The following CSMD1 variants were observed in gnomAD, a reference collection of about 807,000 sequenced individuals.
CSMD1 encodes the protein CUB and Sushi multiple domains 1.
A neutral mutation model predicts 417.5 loss-of-function variants in CSMD1; 213 were observed. That is an observed-to-expected ratio of 0.51 (90% CI 0.46 to 0.57). The LOEUF (loss-of-function observed/expected upper bound fraction) is 0.57, where lower values mean the gene tolerates loss of function less well. CSMD1 is among the 20% of genes least tolerant of loss of function. The probability of loss-of-function intolerance (pLI) is 0.00; values close to 1 mark genes in which losing one functional copy is unlikely to be tolerated. For missense variants in CSMD1, 6,923 were observed against 4,529.7 expected (o/e 1.53, Z -15.17); for synonymous variants, 2,862 against 1,736.8 (o/e 1.65, Z -16.11).
At chr8:4,801,149 T>C (rs1392934858) in intron 1 of CSMD1, among the ~76,000 whole-genome samples, 4 of 152,226 alleles carry the variant, frequency 2.6e-5, no homozygotes, top group Non-Finnish European at 4.4e-5. Context: ...GTATCTTACC[T>C]TAAATCAATG....
At chr8:3,668,080 T>G (rs1472707236) in intron 7 of CSMD1, among the ~76,000 whole-genome samples, 1 of 152,158 alleles carries the variant, frequency 6.6e-6, no homozygotes, top group Non-Finnish European at 1.5e-5. Flanking sequence ...TCAGGTGCAG[T>G]CATTCTACCC....
intron 10 of CSMD1, among the ~76,000 whole-genome samples, chr8:3,538,552 G>T (rs920576945): frequency 2.0e-5 from 3 of 152,248 alleles, no homozygotes; most frequent in East Asian, 3.9e-4. Flanking sequence ...TGCCGCACTT[G>T]AGCTGGCTAA....
chr8:4,575,820 G>A (rs1338410879), intron 2 of CSMD1, among the ~76,000 whole-genome samples: 2 of 152,228 alleles, frequency 1.3e-5, no homozygotes, highest in Non-Finnish European at 2.9e-5. Context: ...GTCTGAGGTC[G>A]CAATGTCCTT....
chr8:3,264,578 AAATATT>A (rs1307314817), intron 26 of CSMD1, among the ~76,000 whole-genome samples: 1 of 152,200 alleles, frequency 6.6e-6, no homozygotes, highest in Non-Finnish European at 1.5e-5. Flanking sequence ...AACAGAGAAT[AAATATT>A]AACAATCATT....
intron 33 of CSMD1, among the ~76,000 whole-genome samples, chr8:3,197,071 A>G (rs1436683565): frequency 6.6e-6 from 1 of 152,224 alleles, no homozygotes; most frequent in Admixed American, 6.5e-5. Context: ...GCAATTGCAT[A>G]GAGTAACTAG....
At chr8:3,454,767 G>C (rs568160918) in intron 12 of CSMD1, among the ~76,000 whole-genome samples, 5 of 152,210 alleles carry the variant, frequency 3.3e-5, no homozygotes, top group African/African-American at 7.2e-5. Context: ...TCTCTACTTT[G>C]CTGAATCTGA....
intron 5 of CSMD1, among the ~76,000 whole-genome samples, chr8:3,804,151 C>G (rs952438607): frequency 6.6e-6 from 1 of 151,956 alleles, no homozygotes; most frequent in Admixed American, 6.6e-5. Context: ...AGGCTGGTCT[C>G]GAACTCCCGA....
At chr8:3,127,116 T>A (rs1353409138) in intron 41 of CSMD1, among the ~76,000 whole-genome samples, 1 of 152,038 alleles carries the variant, frequency 6.6e-6, no homozygotes, top group Non-Finnish European at 1.5e-5. Flanking sequence ...TTTCTAAGAG[T>A]CTTGTCCACA....
intron 10 of CSMD1, among the ~76,000 whole-genome samples, chr8:3,524,386 C>G: frequency 6.8e-6 from 1 of 147,256 alleles, no homozygotes; most frequent in South Asian, 2.1e-4. Context: ...CATGCACATA[C>G]ACACACATGC....
chr8:4,087,553 A>G (rs928463739), intron 3 of CSMD1, among the ~76,000 whole-genome samples: 1 of 152,066 alleles, frequency 6.6e-6, no homozygotes, highest in Non-Finnish European at 1.5e-5. Context: ...CCCTGGCTAT[A>G]ATTTCTGTCC....
chr8:4,071,874 G>A (rs1799577094), intron 3 of CSMD1, among the ~76,000 whole-genome samples: 1 of 152,146 alleles, frequency 6.6e-6, no homozygotes, highest in Non-Finnish European at 1.5e-5. Context: ...TCTGTCCTCA[G>A]CTACCCCATT....
chr8:3,814,636 C>G (rs891040772), intron 5 of CSMD1, among the ~76,000 whole-genome samples: 3 of 152,156 alleles, frequency 2.0e-5, no homozygotes, highest in Non-Finnish European at 4.4e-5. Context: ...GCCTCCCAAA[C>G]AAAGAGCTAT....
At chr8:3,256,087 G>T (rs1313359333) in intron 26 of CSMD1, among the ~76,000 whole-genome samples, 3 of 151,104 alleles carry the variant, frequency 2.0e-5, no homozygotes, top group South Asian at 2.1e-4. Context: ...CAGGACTTTG[G>T]GGGGCTGAGG....
At chr8:4,442,492 G>A (rs923097323) in intron 2 of CSMD1, among the ~76,000 whole-genome samples, 1 of 152,036 alleles carries the variant, frequency 6.6e-6, no homozygotes, top group African/African-American at 2.4e-5. Context: ...CATCTGTTAT[G>A]TATATAAAAG....
intron 1 of CSMD1, among the ~76,000 whole-genome samples, chr8:4,812,409 G>T (rs775528065): frequency 6.6e-6 from 1 of 152,174 alleles, no homozygotes; most frequent in Admixed American, 6.5e-5. Context: ...GCACAGAGTA[G>T]TGACTTTGTC....
chr8:3,839,804 A>T (rs1802999538), intron 5 of CSMD1, among the ~76,000 whole-genome samples: 1 of 151,750 alleles, frequency 6.6e-6, no homozygotes, highest in Non-Finnish European at 1.5e-5. Flanking sequence ...CTGGTGGCCA[A>T]ACTAGAGACC....
Position 3,891,294 on chromosome 8 carries a change from C to G in CSMD1, c.818+106609G>C, listed in dbSNP as rs150397626. ...AAAAATTCCTTGCTCAAGTGATCTA[C>G]CTGCCTCAACCTCCCAAAGTGCTGG... On this transcript the variant is annotated intron_variant, in intron 5 of 69. Transcript: ENST00000635120. 1.6e-3 allele frequency among the ~76,000 whole-genome samples: 241 copies of G among 152,230 alleles called. 3 individuals carry two copies. The highest frequency in any genetic ancestry group is 5.5e-3 in the African/African-American group (227 of 41,536).
intron 3 of CSMD1, among the ~76,000 whole-genome samples, chr8:4,319,641 G>T (rs975261055): frequency 6.6e-6 from 1 of 152,236 alleles, no homozygotes; most frequent in East Asian, 1.9e-4. Flanking sequence ...TACTTACCCA[G>T]TTCACTGCCT....
At chr8:4,252,758 A>C (rs891896459) in intron 3 of CSMD1, among the ~76,000 whole-genome samples, 1 of 152,226 alleles carries the variant, frequency 6.6e-6, no homozygotes. Flanking sequence ...ATGGGACTGC[A>C]GTGGCAGACA....
Sources: allele counts gnomAD v4.1 joint callset (sites outside exome capture counted in the v4.1 genomes callset), GRCh38; gene constraint gnomAD v4.1.1; transcripts MANE v1.5; gene names NCBI Gene and HGNC (gene_info 2026-07-23, HGNC 2026-07-21).